The following PRR16 variants were observed in gnomAD, a reference collection of about 807,000 sequenced individuals.
PRR16 encodes the protein proline rich 16.
Under a neutral mutation model 18.2 loss-of-function variants are expected in PRR16, and 6 were observed. That is an observed-to-expected ratio of 0.33 (90% confidence interval 0.18 to 0.65). The LOEUF (loss-of-function observed/expected upper bound fraction) is 0.65. PRR16 is among the 30% of genes least tolerant of loss of function. The pLI is 0.74. For synonymous variants in PRR16, 151 were observed against 147.8 expected (o/e 1.02, Z -0.16); for missense variants, 412 against 376.6 (o/e 1.09, Z -0.78).
intron 1 of PRR16, among the ~76,000 whole-genome samples, chr5:120,559,707 G>C (rs1580724719): frequency 1.3e-5 from 2 of 151,804 alleles, no homozygotes; most frequent in African/African-American, 4.8e-5. Flanking sequence ...TTAGTATTCT[G>C]ATAGGAATTG....
At chr5:120,527,575 A>G (rs1278363837) in intron 1 of PRR16, among the ~76,000 whole-genome samples, 3 of 152,222 alleles carry the variant, frequency 2.0e-5, no homozygotes, top group Admixed American at 6.5e-5. Context: ...TGAGAAGTAT[A>G]GCTGTAATAG....
At chr5:120,579,857 T>A (rs1753209403) in intron 1 of PRR16, among the ~76,000 whole-genome samples, 1 of 152,192 alleles carries the variant, frequency 6.6e-6, no homozygotes, top group South Asian at 2.1e-4. Context: ...ATTCTTCCTA[T>A]CCATAAGCAT....
intron 1 of PRR16, among the ~76,000 whole-genome samples, chr5:120,497,702 T>A (rs1473334128): frequency 6.6e-6 from 1 of 152,026 alleles, no homozygotes; most frequent in Non-Finnish European, 1.5e-5. Context: ...TTGATTCTTT[T>A]ATTACATAAT....
chr5:120,741,747 C>T, the PRR16 span, among the ~76,000 whole-genome samples: 2 of 152,116 alleles, frequency 1.3e-5, no homozygotes, highest in Non-Finnish European at 2.9e-5. Flanking sequence ...ATTACAGGCA[C>T]GCACCACCAA....
chr5:120,490,671 G>C (rs1392247369), intron 1 of PRR16, among the ~76,000 whole-genome samples: 1 of 152,208 alleles, frequency 6.6e-6, no homozygotes, highest in Non-Finnish European at 1.5e-5. Context: ...CATTCTCTGT[G>C]CAGCTTTGTT....
At chr5:120,675,474 C>A (rs1391234776) in intron 1 of PRR16, among the ~76,000 whole-genome samples, 2 of 152,140 alleles carry the variant, frequency 1.3e-5, no homozygotes, top group Non-Finnish European at 2.9e-5. Context: ...CTTCTCACTT[C>A]CACTTTTTCT....
chr5:120,735,502 A>G, the PRR16 span, among the ~76,000 whole-genome samples: 2 of 152,302 alleles, frequency 1.3e-5, no homozygotes, highest in African/African-American at 4.8e-5. Context: ...TTTTTTAAAT[A>G]GTGGACATCC....
chr5:120,742,150 A>T, the PRR16 span, among the ~76,000 whole-genome samples: 1 of 151,924 alleles, frequency 6.6e-6, no homozygotes, highest in Admixed American at 6.6e-5. Flanking sequence ...TTATTTTTAC[A>T]GAATACATGG....
intron 1 of PRR16, among the ~76,000 whole-genome samples, chr5:120,510,673 T>C (rs1750798190): frequency 6.6e-6 from 1 of 152,162 alleles, no homozygotes; most frequent in African/African-American, 2.4e-5. Flanking sequence ...ATGATTTAAT[T>C]ACATAAATGA....
chr5:120,521,091 C>T (rs1013137254), intron 1 of PRR16, among the ~76,000 whole-genome samples: 6 of 152,084 alleles, frequency 3.9e-5, no homozygotes, highest in African/African-American at 4.8e-5. Flanking sequence ...AAAATTGGTA[C>T]GGCCCTTTAG....
At chr5:120,557,555 G>A (rs1752454307) in intron 1 of PRR16, among the ~76,000 whole-genome samples, 1 of 151,738 alleles carries the variant, frequency 6.6e-6, no homozygotes, top group African/African-American at 2.4e-5. Flanking sequence ...CAGAAGATCT[G>A]GGTTCAAATA....
At chr5:120,669,278 A>C (rs548848723) in intron 1 of PRR16, among the ~76,000 whole-genome samples, 4 of 152,262 alleles carry the variant, frequency 2.6e-5, no homozygotes, top group Admixed American at 6.6e-5. Flanking sequence ...TGAAAACCGT[A>C]GGAAAAGGGC....
intron 1 of PRR16, among the ~76,000 whole-genome samples, chr5:120,561,084 AT>A (rs140716302): frequency 6.6e-6 from 1 of 151,344 alleles, no homozygotes; most frequent in South Asian, 2.1e-4. Context: ...TGCTTTGTTG[AT>A]TTTTTTGTTT....
chr5:120,481,154 AT>A (rs55765526), intron 1 of PRR16: 684,715 of 977,730 alleles, frequency 0.7, 236,413 homozygotes, highest in East Asian at 0.92. Flanking sequence ...ATCTTATTTT[AT>A]TTTTTTTTTG....
chr5:120,563,280 A>G (rs2112720953), intron 1 of PRR16, among the ~76,000 whole-genome samples: 1 of 152,310 alleles, frequency 6.6e-6, no homozygotes, highest in Admixed American at 6.5e-5. Flanking sequence ...CTAAGGATCT[A>G]CAATCAGCAA....
At chr5:120,648,451 C>T (rs1755668994) in intron 1 of PRR16, among the ~76,000 whole-genome samples, 2 of 152,146 alleles carry the variant, frequency 1.3e-5, no homozygotes, top group South Asian at 4.1e-4. Context: ...AGTATGCTTC[C>T]CTGCCTTCCC....
intron 1 of PRR16, among the ~76,000 whole-genome samples, chr5:120,474,084 TGGACGAGCAG>T (rs1561504889): frequency 1.3e-5 from 2 of 151,844 alleles, no homozygotes. Flanking sequence ...GTGGCAGGAG[TGGACGAGCAG>T]GGCAAGAGTA....
chr5:120,619,974 A>G (rs1402234111), intron 1 of PRR16, among the ~76,000 whole-genome samples: 1 of 152,138 alleles, frequency 6.6e-6, no homozygotes, highest in East Asian at 1.9e-4. Context: ...AGAGAATATG[A>G]AAGTTAATAA....
At chr5:120,543,600 G>A (rs10063718) in intron 1 of PRR16, among the ~76,000 whole-genome samples, 25,956 of 152,124 alleles carry the variant, frequency 0.17, 2,557 homozygotes, top group Non-Finnish European at 0.21. Flanking sequence ...AACAAAATAT[G>A]ATGTCGGAAA....
Sources: allele counts gnomAD v4.1 joint callset (sites outside exome capture counted in the v4.1 genomes callset), GRCh38; gene constraint gnomAD v4.1.1; transcripts MANE v1.5; gene names NCBI Gene and HGNC (gene_info 2026-07-23, HGNC 2026-07-21).